AGFG1: variants seen among roughly 807,000 people sequenced by gnomAD.
AGFG1 encodes arf-GAP domain and FG repeat-containing protein 1.
A neutral mutation model predicts 60.6 loss-of-function variants in AGFG1; 10 were observed. The ratio of observed to expected loss-of-function variants is 0.16; its 90% CI spans 0.10 to 0.28. The LOEUF (loss-of-function observed/expected upper bound fraction) is 0.28. AGFG1 is among the 10% of genes least tolerant of loss of function. The pLI, the probability that AGFG1 is intolerant of heterozygous loss-of-function variation, is 1.00. For missense variants in AGFG1, 537 were observed against 676.5 expected, an observed-to-expected ratio of 0.79 and a Z score of 2.29; for synonymous variants, 247 against 242.9, an observed-to-expected ratio of 1.02 and a Z score of -0.16.
intron 5 of AGFG1, among the ~76,000 whole-genome samples, chr2:227,527,669 G>A (rs1322419721): frequency 1.3e-5 from 2 of 152,162 alleles, no homozygotes; most frequent in African/African-American, 2.4e-5. Flanking sequence ...CATTTTGAGT[G>A]ATTAAATAAG....
intron 10 of AGFG1, among the ~76,000 whole-genome samples, chr2:227,540,084 C>T (rs1692441653): frequency 6.6e-6 from 1 of 152,120 alleles, no homozygotes; most frequent in African/African-American, 2.4e-5. Context: ...GATCTGCCTG[C>T]CTCGGCCTCC....
chr2:227,553,973 AAAAT>A (rs1423068646), intron 12 of AGFG1, among the ~76,000 whole-genome samples, 178 bp downstream of exon 12: 1 of 152,220 alleles, frequency 6.6e-6, no homozygotes, highest in Non-Finnish European at 1.5e-5. Context: ...GACCTTTTAA[AAAAT>A]TAGTTGCAAA....
At chr2:227,508,939 G>C (rs1691410203) in intron 2 of AGFG1, among the ~76,000 whole-genome samples, 1 of 151,934 alleles carries the variant, frequency 6.6e-6, no homozygotes, top group Non-Finnish European at 1.5e-5. Context: ...TGTGGAAGTT[G>C]GTTATTCAAT....
chr2:227,523,728 T>C (rs2106208898), intron 3 of AGFG1, 35 bp from the exon 4 acceptor site: 1 of 1,473,306 alleles, frequency 6.8e-7, no homozygotes, highest in South Asian at 1.3e-5. Context: ...ATTACCTACA[T>C]TTTTTTTTAG....
chr2:227,496,900 G>A (rs530879662), intron 2 of AGFG1, among the ~76,000 whole-genome samples: 32 of 152,100 alleles, frequency 2.1e-4, no homozygotes, highest in Non-Finnish European at 4.3e-4. Flanking sequence ...TTCGGGTTAT[G>A]TATTTAAACT....
intron 10 of AGFG1, among the ~76,000 whole-genome samples, chr2:227,542,036 T>G (rs574479841): frequency 1.2e-4 from 19 of 152,108 alleles, no homozygotes; most frequent in Middle Eastern, 3.4e-3. Flanking sequence ...TTTTGCACAT[T>G]GATTTTGTAT....
intron 10 of AGFG1, among the ~76,000 whole-genome samples, chr2:227,541,722 A>G (rs550252458): frequency 1.3e-5 from 2 of 152,252 alleles, no homozygotes; most frequent in East Asian, 1.9e-4. Context: ...GTTTTTTCCA[A>G]TTCTGTGAAG....
chr2:227,550,391 A>G (rs989121323), intron 10 of AGFG1, among the ~76,000 whole-genome samples: 6 of 152,196 alleles, frequency 3.9e-5, no homozygotes, highest in African/African-American at 1.2e-4. Flanking sequence ...GTTTGAATTC[A>G]TGGTACTTTG....
At chr2:227,552,856 C>T (rs574869567) in intron 11 of AGFG1, among the ~76,000 whole-genome samples, 1 of 151,738 alleles carries the variant, frequency 6.6e-6, no homozygotes, top group South Asian at 2.1e-4. Flanking sequence ...ACAAAATTAG[C>T]CAGGCGTGGT....
rs1020739714 is a variant in AGFG1 at position 227,495,725 on chromosome 2, A to T, written c.261+4085A>T. On this transcript the variant is annotated intron_variant, in intron 2 of 12. Transcript: ENST00000310078. ...AATTCAATGGAGAAGAAAATTTAGA[A>T]ATAATTTTATTTTGAAATATGTATA... 2.0e-5 allele frequency among the ~76,000 whole-genome samples: 3 copies of T among 152,212 alleles called. No homozygotes were observed. The South Asian group carries it at 6.2e-4, about 32-fold the overall frequency.
intron 2 of AGFG1, among the ~76,000 whole-genome samples, chr2:227,500,907 C>G (rs1027564662): frequency 2.6e-5 from 4 of 152,148 alleles, no homozygotes; most frequent in Middle Eastern, 3.4e-3. Context: ...ATTCTCCTGC[C>G]TTAGCCTCCT....
At chr2:227,509,431 A>G (rs994314643) in intron 2 of AGFG1, among the ~76,000 whole-genome samples, 1 of 152,154 alleles carries the variant, frequency 6.6e-6, no homozygotes, top group Admixed American at 6.5e-5. Flanking sequence ...TTTTTGCTAT[A>G]AAGGCCATTA....
chr2:227,548,836 C>G (rs1027066767), intron 10 of AGFG1, among the ~76,000 whole-genome samples: 26 of 152,112 alleles, frequency 1.7e-4, no homozygotes, highest in Non-Finnish European at 5.9e-5. Flanking sequence ...ACTTGGGAGG[C>G]TGAGGCAGGA....
chr2:227,488,938 C>T (rs932554795), intron 1 of AGFG1, among the ~76,000 whole-genome samples: 1 of 152,056 alleles, frequency 6.6e-6, no homozygotes, highest in South Asian at 2.1e-4. Context: ...CTCAGCCTCC[C>T]GAGTAGCTGG....
At chr2:227,526,339 G>T (rs1176887490) in intron 5 of AGFG1, among the ~76,000 whole-genome samples, 1 of 151,726 alleles carries the variant, frequency 6.6e-6, no homozygotes, top group African/African-American at 2.4e-5. Context: ...GATTACAAGC[G>T]TGTGCCACAG....
chr2:227,524,646 C>A, intron 4 of AGFG1, 116 bp from the exon 5 acceptor site: 1 of 1,058,134 alleles, frequency 9.5e-7, no homozygotes, highest in Non-Finnish European at 1.4e-6. Flanking sequence ...GAAAGGTTAA[C>A]TCAGCATACT....
At chr2:227,520,575 A>G (rs981461542) in intron 3 of AGFG1, among the ~76,000 whole-genome samples, 1 of 152,190 alleles carries the variant, frequency 6.6e-6, no homozygotes, top group Non-Finnish European at 1.5e-5. Flanking sequence ...AGAAGGGAGC[A>G]TTTACTTTTC....
At chr2:227,539,071 A>G (rs1035964933) in intron 10 of AGFG1, among the ~76,000 whole-genome samples, 2 of 152,228 alleles carry the variant, frequency 1.3e-5, no homozygotes, top group African/African-American at 4.8e-5. Flanking sequence ...ACTTCGACAG[A>G]TGCACTACGC....
chr2:227,529,567 G>C (rs1399212788), intron 5 of AGFG1, among the ~76,000 whole-genome samples: 2 of 152,004 alleles, frequency 1.3e-5, no homozygotes, highest in African/African-American at 4.8e-5. Context: ...TGTGTTGCTG[G>C]GTGGGGTCAT....
Sources: gnomAD v4.1 joint callset for allele counts (sites outside exome capture counted in the v4.1 genomes callset) on GRCh38, gnomAD v4.1.1 for gene constraint, MANE v1.5 for transcripts, NCBI Gene and HGNC (gene_info 2026-07-23, HGNC 2026-07-21) for gene names.